Variants in VASH1 observed in about 807,000 individuals in gnomAD.
The protein encoded by VASH1 is vasohibin 1, also known as tubulinyl-Tyr carboxypeptidase 1.
VASH1 carries 16 observed loss-of-function variants against 35.0 expected under a neutral mutation model. The observed-to-expected ratio is 0.46, with a 90% CI of 0.31 to 0.70. The LOEUF is 0.70. Ranked by LOEUF, VASH1 falls within the 30% of genes least tolerant of loss-of-function variation. The pLI is 0.05. For synonymous variants in VASH1, 214 were observed against 200.9 expected, an observed-to-expected ratio of 1.07 and a Z score of -0.55; for missense variants, 505 against 510.7, an observed-to-expected ratio of 0.99 and a Z score of 0.11.
At chr14:76,771,100 G>T (rs1893783739) in intron 2 of VASH1, 90 bp from the exon 3 acceptor site, 2 of 1,228,678 alleles carry the variant, frequency 1.6e-6, no homozygotes, top group Non-Finnish European at 2.2e-6. Flanking sequence ...TCCCCTCCAG[G>T]AGACTTGGCT....
intron 1 of VASH1, among the ~76,000 whole-genome samples, chr14:76,765,335 C>T (rs950827284): frequency 2.0e-5 from 3 of 152,184 alleles, no homozygotes; most frequent in Non-Finnish European, 4.4e-5. Flanking sequence ...ACTTCCATCG[C>T]TAGGGTAGAA....
At position 76,762,913 on chromosome 14, in the gene VASH1, T is replaced by C; in HGVS notation, c.92T>C (p.Leu31Ser). The change falls in exon 1 of 7, where the codon TTG becomes TCG. Residue 31 changes from leucine to serine, a missense_variant. By Grantham distance (145) the Leu-to-Ser change is moderately radical. Coordinates refer to ENST00000167106, the MANE Select transcript of VASH1 (RefSeq NM_014909.5). ...AATAPSGVRR[L>S]ETSEGTSAQR... The stretch of plus-strand genomic sequence containing the variant: ...ACCGCCCCCTCTGGGGTCAGGCGTT[T>C]GGAGACCAGCGAAGGAACCTCAGCC... 1.3e-6 allele frequency: 2 copies of C among 1,578,338 alleles called. No individual in the cohort carries two copies. The highest frequency in any genetic ancestry group is 1.7e-6 in the Non-Finnish European group (2 of 1,163,406).
intron 1 of VASH1, among the ~76,000 whole-genome samples, chr14:76,763,696 G>GA (rs1244864393): frequency 1.5e-4 from 23 of 152,266 alleles, no homozygotes; most frequent in African/African-American, 5.3e-4. Context: ...AGGGCGGGGG[G>GA]TGGTGGTGGA....
At chr14:76,770,203 G>A in intron 2 of VASH1, 152 bp downstream of exon 2, 1 of 721,134 alleles carries the variant, frequency 1.4e-6, no homozygotes, top group Non-Finnish European at 2.2e-6. Context: ...CTGGTGCTGT[G>A]GGACGCGGCG....
intron 3 of VASH1, among the ~76,000 whole-genome samples, chr14:76,771,625 C>T (rs865801842): frequency 3.9e-5 from 6 of 152,214 alleles, no homozygotes; most frequent in Admixed American, 6.5e-5. Context: ...CTCTGTTCTG[C>T]GGCTGCCGCA....
rs948754589 is a variant in VASH1 at position 76,762,744 on chromosome 14, C to G, written c.-78C>G. 3.0e-6 allele frequency: 4 copies of G among 1,334,534 alleles called. No individual in the cohort carries two copies. The highest frequency in any genetic ancestry group is 4.0e-6 in the Non-Finnish European group (4 of 1,010,758). The allele number at this position is 1,334,534 out of a possible 1,614,324, so 82.7% of individuals were successfully genotyped here. A position where few individuals can be genotyped will look rare whatever the true frequency, so the allele number is the denominator to read the frequency against. ...GCCTTGCACTCTGGCCATGTGTTAT[C>G]TCTGCAGCCGGTGTGTGGGAGGCCT... On this transcript the variant is annotated 5_prime_UTR_variant, in exon 1 of 7. It adds an upstream start codon to the 5' untranslated region. Transcript: ENST00000167106.
In VASH1 at chr14:76,776,283, C is replaced by A; in HGVS notation, c.912+10C>A. 1 of 1,560,330 alleles carries A rather than the reference C, an allele frequency of 6.4e-7. No individual in the cohort carries two copies. The highest frequency in any genetic ancestry group is 1.2e-5 in the South Asian group (1 of 85,482). On this transcript the variant is annotated intron_variant, in intron 5 of 6. Coordinates refer to ENST00000167106, the MANE Select transcript of VASH1 (RefSeq NM_014909.5). ...CGACATGCGGCTCAAGGTCTGCCCG[C>A]CTTCCACGCCCTCGCCCCCTCCCTC...
intron 1 of VASH1, 136 bp from the exon 2 acceptor site, chr14:76,769,827 G>A (rs968802769): frequency 2.4e-6 from 2 of 849,550 alleles, no homozygotes; most frequent in Non-Finnish European, 3.8e-6. Context: ...GCCAAGAAAG[G>A]AAGCTCAAGT....
chr14:76,777,540 T>C (rs981636021), intron 5 of VASH1, among the ~76,000 whole-genome samples: 2 of 152,224 alleles, frequency 1.3e-5, no homozygotes, highest in Admixed American at 6.5e-5. Context: ...CTCATTTTTT[T>C]CTTAAGCAGA....
rs1315402713 is a variant in VASH1 at position 76,769,881 on chromosome 14, G to A, written c.310-82G>A. On this transcript the variant is annotated intron_variant, in intron 1 of 6. Coordinates refer to ENST00000167106, the MANE Select transcript of VASH1 (RefSeq NM_014909.5). ...TGCCTCCCCAGGGTGGGGCGCCTCT[G>A]GGGCCAGTCCTAGGTGTTTGGTGGA... 12 of 1,462,448 alleles carry A rather than the reference G, an allele frequency of 8.2e-6. No individual in the cohort carries two copies. The Admixed American group carries it at 2.1e-4, about 26-fold the overall frequency. 90.6% of individuals were successfully genotyped at this position (1,462,448 alleles called of 1,614,324 possible).
rs1456994682 is a variant in VASH1 at position 76,779,061 on chromosome 14, A to G, written c.*43A>G. On this transcript the variant is annotated 3_prime_UTR_variant, in exon 7 of 7. Transcript: ENST00000167106. The stretch of plus-strand genomic sequence containing the variant: ...CAGGCCCCACCCACTCTTGGGGGCC[A>G]GGATCCACCTGCTGGAACCAGCCTT... 1 of 1,597,082 alleles carries G rather than the reference A, an allele frequency of 6.3e-7. No individual in the cohort carries two copies. The highest frequency in any genetic ancestry group is 8.6e-7 in the Non-Finnish European group (1 of 1,165,942).
rs1429146234 is a variant in VASH1, at chr14:76,773,133, AC to A, written c.456-3del. 1 of 1,613,594 alleles carries A rather than the reference AC, an allele frequency of 6.2e-7. No individual in the cohort carries two copies. Among genetic ancestry groups the A allele is most frequent in the Non-Finnish European group, 8.5e-7 (1 of 1,179,748 alleles). On this transcript the variant is annotated splice_polypyrimidine_tract_variant and splice_region_variant and intron_variant, in intron 3 of 6. Transcript: ENST00000167106. ...CCTTACTGACCTGCCTCCCTTTCCC[AC>A]AGGCTGATGGACCTGGCCAAGGAAA...
intron 5 of VASH1, among the ~76,000 whole-genome samples, chr14:76,777,723 T>G (rs1893982778): frequency 6.6e-6 from 1 of 152,152 alleles, no homozygotes. Flanking sequence ...CTTCCCCCAC[T>G]TCCACTCTGC....
At position 76,779,164 on chromosome 14, in the gene VASH1, A is replaced by G. The variant is rs1430782207; in HGVS notation, c.*146A>G. On this transcript the variant is annotated 3_prime_UTR_variant, in exon 7 of 7. Coordinates refer to ENST00000167106, the MANE Select transcript of VASH1 (RefSeq NM_014909.5). Reference sequence around the variant, plus strand: ...GAGTGTGTTCCAGCTCAGCCCCCCAAGCTGCTCTCGCTCCCACTGAGCCAA... The same window carrying G: ...GAGTGTGTTCCAGCTCAGCCCCCCAGGCTGCTCTCGCTCCCACTGAGCCAA... The G allele has an allele frequency of 6.6e-6, 6 of 908,930 alleles. No homozygotes were observed. Among genetic ancestry groups the G allele is most frequent in the South Asian group, 5.6e-5 (4 of 71,160 alleles). 56.3% of individuals were successfully genotyped at this position (908,930 alleles called of 1,614,324 possible).
intron 3 of VASH1, 79 bp downstream of exon 3, chr14:76,771,325 G>A: frequency 7.4e-7 from 1 of 1,352,432 alleles, no homozygotes; most frequent in Middle Eastern, 2.0e-4. Context: ...CCTTGGAGAG[G>A]AAGTTTATGG....
chr14:76,777,700 G>C (rs902650447), intron 5 of VASH1, among the ~76,000 whole-genome samples: 1 of 152,140 alleles, frequency 6.6e-6, no homozygotes, highest in Non-Finnish European at 1.5e-5. Context: ...GCAATATTAT[G>C]GTATCTCAGT....
chr14:76,762,269 C>G lies in VASH1; in HGVS notation c.-553C>G, dbSNP rs1054463931. 1 of 152,304 alleles carries G rather than the reference C, an allele frequency of 6.6e-6. No homozygotes were observed. The highest frequency in any genetic ancestry group is 2.4e-5 in the African/African-American group (1 of 41,474). The allele number at this position is 152,304 out of a possible 1,614,324, so 9.4% of individuals were successfully genotyped here. On this transcript the variant is annotated 5_prime_UTR_variant, in exon 1 of 7. Transcript: ENST00000167106. ...ATCGCCCCCCAGCGCCGCTCTCCCGCCCGGGGGTCTTGGTTCCGAGCTCGC... is the reference window on the plus strand; with the variant it reads ...ATCGCCCCCCAGCGCCGCTCTCCCGGCCGGGGGTCTTGGTTCCGAGCTCGC...
In VASH1 at chr14:76,781,316, G is replaced by A. The variant is rs1463813833; in HGVS notation, c.*2298G>A. ...GACTAATAGGGGCATGGTGACCCTT[G>A]ACTCACCATCCCATCCCAGCTTTCA... On this transcript the variant is annotated 3_prime_UTR_variant, in exon 7 of 7. Transcript: ENST00000167106. 1 of 152,280 alleles carries A rather than the reference G, an allele frequency of 6.6e-6. No homozygotes were observed. The highest frequency in any genetic ancestry group is 2.4e-5 in the African/African-American group (1 of 41,426). The allele number at this position is 152,280 out of a possible 1,614,324, so 9.4% of individuals were successfully genotyped here. A position where few individuals can be genotyped will look rare whatever the true frequency, so the allele number is the denominator to read the frequency against.
intron 1 of VASH1, among the ~76,000 whole-genome samples, chr14:76,764,690 T>A (rs1316918083): frequency 1.4e-5 from 2 of 143,020 alleles, no homozygotes; most frequent in African/African-American, 5.5e-5. Context: ...CAGTTACCTT[T>A]TTTTTTTTTT....
Sources: allele counts gnomAD v4.1 joint callset (sites outside exome capture counted in the v4.1 genomes callset), GRCh38; gene constraint gnomAD v4.1.1; transcripts MANE v1.5; gene names NCBI Gene and HGNC (gene_info 2026-07-23, HGNC 2026-07-21).